The following SAXO1 variants were observed in gnomAD, a reference collection of about 807,000 sequenced individuals.
The protein encoded by SAXO1 is 4930500O09Rik.
A neutral mutation model predicts 17.5 loss-of-function variants in SAXO1; 21 were observed. The observed-to-expected ratio is 1.20, with a 90% CI of 0.85 to 1.72. The LOEUF is 1.72. Among genes scored for constraint, SAXO1 ranks in the 40% most tolerant of loss-of-function variants. The pLI, the probability that SAXO1 is intolerant of heterozygous loss-of-function variation, is 0.00. For synonymous variants in SAXO1, 274 were observed against 216.5 expected, an observed-to-expected ratio of 1.27 and a Z score of -2.33; for missense variants, 843 against 596.0, an observed-to-expected ratio of 1.41 and a Z score of -4.32.
intron 2 of SAXO1, among the ~76,000 whole-genome samples, chr9:18,943,828 C>T (rs912866299): frequency 1.3e-5 from 2 of 152,222 alleles, no homozygotes; most frequent in African/African-American, 4.8e-5. Context: ...AACCTCAGAG[C>T]ATCTAGGGAT....
intron 1 of SAXO1, among the ~76,000 whole-genome samples, chr9:18,957,118 T>G (rs1259443213): frequency 6.6e-6 from 1 of 152,186 alleles, no homozygotes; most frequent in African/African-American, 2.4e-5. Context: ...CCCTTCCAAG[T>G]TCCCTCAGCT....
intron 1 of SAXO1, among the ~76,000 whole-genome samples, chr9:19,024,902 C>A (rs2131030584): frequency 6.6e-6 from 1 of 152,274 alleles, no homozygotes; most frequent in South Asian, 2.1e-4. Context: ...AAACTGCCCA[C>A]TACAGAACAG....
At chr9:18,967,828 C>A (rs1034116317) in intron 1 of SAXO1, among the ~76,000 whole-genome samples, 7 of 152,056 alleles carry the variant, frequency 4.6e-5, no homozygotes, top group African/African-American at 1.7e-4. Context: ...TCGGTGTCTG[C>A]CCAAACAACT....
intron 1 of SAXO1, among the ~76,000 whole-genome samples, chr9:18,966,203 G>C (rs7020498): frequency 0.16 from 24,005 of 152,162 alleles, 3,869 homozygotes; most frequent in African/African-American, 0.41. Flanking sequence ...TGGTCAATCT[G>C]ATGATTATGT....
At chr9:18,976,369 G>A (rs1488251104) in intron 1 of SAXO1, among the ~76,000 whole-genome samples, 1 of 152,208 alleles carries the variant, frequency 6.6e-6, no homozygotes, top group African/African-American at 2.4e-5. Flanking sequence ...GAGAGCTCTT[G>A]CTACAAGCAC....
chr9:18,996,621 G>A (rs889370013), intron 1 of SAXO1, among the ~76,000 whole-genome samples: 1 of 152,044 alleles, frequency 6.6e-6, no homozygotes, highest in Non-Finnish European at 1.5e-5. Flanking sequence ...TACAAAAAAA[G>A]CATTTGGTAA....
intron 1 of SAXO1, among the ~76,000 whole-genome samples, chr9:18,983,048 C>G (rs1473180755): frequency 6.6e-6 from 1 of 151,388 alleles, no homozygotes; most frequent in African/African-American, 2.4e-5. Flanking sequence ...GCCAGACGGA[C>G]CATTAGCAGA....
intron 1 of SAXO1, among the ~76,000 whole-genome samples, chr9:19,002,388 T>A (rs10811092): frequency 0.54 from 81,760 of 152,044 alleles, 22,019 homozygotes; most frequent in Non-Finnish European, 0.56. Context: ...TCTCTCACTC[T>A]TTCTATGAGG....
chr9:19,003,966 G>A (rs1355380783), intron 1 of SAXO1, among the ~76,000 whole-genome samples: 1 of 151,966 alleles, frequency 6.6e-6, no homozygotes, highest in Non-Finnish European at 1.5e-5. Context: ...CCACAGAATG[G>A]GAGAAAAATT....
intron 1 of SAXO1, among the ~76,000 whole-genome samples, chr9:18,966,472 G>A (rs1311582697): frequency 6.6e-6 from 1 of 151,972 alleles, no homozygotes; most frequent in Non-Finnish European, 1.5e-5. Context: ...TTGTCCTCAT[G>A]CTTTATTTCA....
chr9:18,927,722 C>T lies in SAXO1; in HGVS notation c.*330G>A. ...ACTTGGCAAGGGTTAATCATTATGT[C>T]AGTTCATACAATGATTAAATTAATA... On this transcript the variant is annotated 3_prime_UTR_variant, in exon 4 of 4. Transcript: ENST00000380534. 4.4e-6 allele frequency: 1 copy of T among 227,102 alleles called. No homozygotes were observed. Among genetic ancestry groups the T allele is most frequent in the South Asian group, 1.4e-4 (1 of 6,978 alleles). 14.1% of individuals were successfully genotyped at this position (227,102 alleles called of 1,614,324 possible).
At chr9:19,036,601 C>G (rs1835946501), upstream of SAXO1, among the ~76,000 whole-genome samples, 2 of 152,172 alleles carry the variant, frequency 1.3e-5, no homozygotes, top group African/African-American at 4.8e-5. Flanking sequence ...AAGCCCCAAG[C>G]CTTGGCAGCT....
intron 1 of SAXO1, among the ~76,000 whole-genome samples, chr9:19,025,710 A>G (rs1209711943): frequency 1.3e-5 from 2 of 152,230 alleles, no homozygotes; most frequent in Non-Finnish European, 2.9e-5. Context: ...CAAAATCTTT[A>G]AAATGGTGCA....
chr9:18,968,822 G>C lies in SAXO1; in HGVS notation c.39-17885C>G, dbSNP rs138980105. Among the ~76,000 whole-genome samples, 8 of 152,218 alleles carry C rather than the reference G, an allele frequency of 5.3e-5. No homozygotes were observed. In the East Asian group the frequency reaches 1.5e-3, roughly 29 times the overall value. On this transcript the variant is annotated intron_variant, in intron 1 of 3. Transcript: ENST00000380534. ...TTGGCCAGGCTGGTGTCGAACTCCT[G>C]ACCTCAGGTAATCCACCCACCTCAG...
At chr9:19,046,516 A>G (rs1224716084) in intron 1 of SAXO1, among the ~76,000 whole-genome samples, 2 of 151,390 alleles carry the variant, frequency 1.3e-5, no homozygotes, top group East Asian at 3.9e-4. Flanking sequence ...ACCAACATGG[A>G]GAAAGGAGAA....
At chr9:18,956,110 ATTT>A (rs34950206) in intron 1 of SAXO1, among the ~76,000 whole-genome samples, 2,407 of 128,794 alleles carry the variant, frequency 0.019, 74 homozygotes, top group African/African-American at 0.068. Context: ...AACCTGGCTA[ATTT>A]TTTTTTTTTT....
chr9:19,021,118 G>T (rs140162044), intron 1 of SAXO1, among the ~76,000 whole-genome samples: 254 of 152,340 alleles, frequency 1.7e-3, no homozygotes, highest in African/African-American at 5.9e-3. Context: ...ATGCTCAGCT[G>T]ATTAGACCAC....
At chr9:18,986,719 AG>A (rs564255764) in intron 1 of SAXO1, among the ~76,000 whole-genome samples, 211 of 152,338 alleles carry the variant, frequency 1.4e-3, no homozygotes, top group African/African-American at 4.9e-3. Flanking sequence ...GTAGGAAGCA[AG>A]GGGGCAAAGA....
intron 1 of SAXO1, among the ~76,000 whole-genome samples, chr9:18,990,182 T>C (rs1021771222): frequency 2.6e-5 from 4 of 152,016 alleles, no homozygotes; most frequent in Admixed American, 2.6e-4. Flanking sequence ...TTTTTTTTTT[T>C]TCCTAACAAC....
Sources: gnomAD v4.1 joint callset for allele counts (sites outside exome capture counted in the v4.1 genomes callset) on GRCh38, gnomAD v4.1.1 for gene constraint, MANE v1.5 for transcripts, NCBI Gene and HGNC (gene_info 2026-07-23, HGNC 2026-07-21) for gene names.